DDI2: variants seen among roughly 807,000 people sequenced by gnomAD.
DDI2 encodes the protein protein DDI1 homolog 2.
A neutral mutation model predicts 48.1 loss-of-function variants in DDI2; 5 were observed. That is an observed-to-expected ratio of 0.10 (90% CI 0.05 to 0.22). DDI2 has a LOEUF of 0.22. Ranked by LOEUF, DDI2 falls within the 10% of genes least tolerant of loss-of-function variation. The probability of loss-of-function intolerance (pLI) is 1.00; values close to 1 mark genes in which losing one functional copy is unlikely to be tolerated. For missense variants in DDI2, 285 were observed against 506.2 expected (o/e 0.56, Z 4.19); for synonymous variants, 205 against 183.6 (o/e 1.12, Z -0.94).
intron 7 of DDI2, among the ~76,000 whole-genome samples, chr1:15,650,890 A>T (rs1220156862): frequency 1.3e-5 from 2 of 152,148 alleles, no homozygotes; most frequent in Non-Finnish European, 2.9e-5. Context: ...CGTCTCGCTC[A>T]GTTGCCCAGG....
chr1:15,642,498 G>A (rs1640026016), intron 5 of DDI2, among the ~76,000 whole-genome samples: 1 of 152,188 alleles, frequency 6.6e-6, no homozygotes, highest in Non-Finnish European at 1.5e-5. Context: ...TGTTTACATA[G>A]TGAGACGGGA....
intron 2 of DDI2, among the ~76,000 whole-genome samples, chr1:15,629,432 C>A (rs113384666): frequency 0.2 from 30,392 of 151,698 alleles, 3,159 homozygotes; most frequent in Middle Eastern, 0.26. Context: ...CCCATCTCTA[C>A]TAAAAATACA....
chr1:15,635,417 C>T (rs1639912461), intron 4 of DDI2, among the ~76,000 whole-genome samples: 2 of 152,062 alleles, frequency 1.3e-5, no homozygotes, highest in South Asian at 4.1e-4. Flanking sequence ...TTCCCCACCC[C>T]AGGCCCAAGA....
intron 2 of DDI2, among the ~76,000 whole-genome samples, chr1:15,629,317 C>T (rs949379307): frequency 1.3e-5 from 2 of 152,096 alleles, no homozygotes; most frequent in South Asian, 4.1e-4. Context: ...TTGATCCGGC[C>T]GGGCACAGTG....
At position 15,647,458 on chromosome 1, in the gene DDI2, T is replaced by A. The variant is rs564382761; in HGVS notation, c.890-2262T>A. Among the ~76,000 whole-genome samples, 11 of 152,192 alleles carry A rather than the reference T, an allele frequency of 7.2e-5. No homozygotes were observed. The South Asian group carries it at 2.3e-3, about 32-fold the overall frequency. ...GCTGCTGCGCCTGGCTGGTGATGTT[T>A]CCTATTAGAACATGGCAGTATAGTT... On this transcript the variant is annotated intron_variant, in intron 6 of 9. Coordinates refer to ENST00000480945, the MANE Select transcript of DDI2 (RefSeq NM_032341.5).
rs770197892 is a variant in DDI2, at chr1:15,660,775, G to A, written c.*985G>A. 1.2e-6 allele frequency: 2 copies of A among 1,613,780 alleles called. No homozygotes were observed. Among genetic ancestry groups the A allele is most frequent in the African/African-American group, 1.3e-5 (1 of 74,898 alleles). ...TAACCCTTCATCTGAAATTTTGAAT[G>A]ATTCCATTTCCACTCAGGATTTACA... On this transcript the variant is annotated 3_prime_UTR_variant, in exon 10 of 10. Coordinates refer to ENST00000480945, the MANE Select transcript of DDI2 (RefSeq NM_032341.5).
chr1:15,619,979 T>C (rs1639631760), intron 1 of DDI2, among the ~76,000 whole-genome samples: 2 of 152,120 alleles, frequency 1.3e-5, no homozygotes, highest in South Asian at 4.1e-4. Context: ...TTAAATTTCT[T>C]GTTACAGCCA....
chr1:15,633,155 C>T (rs76538218), intron 3 of DDI2, among the ~76,000 whole-genome samples: 4,633 of 152,056 alleles, frequency 0.03, 106 homozygotes, highest in Admixed American at 0.068. Flanking sequence ...TCTCGAACTC[C>T]TAGGCTCAAA....
In DDI2 at chr1:15,659,996, G is replaced by C; in HGVS notation, c.*206G>C. 1 of 1,614,186 alleles carries C rather than the reference G, an allele frequency of 6.2e-7. No individual in the cohort carries two copies. Among genetic ancestry groups the C allele is most frequent in the South Asian group, 1.1e-5 (1 of 91,088 alleles). On this transcript the variant is annotated 3_prime_UTR_variant, in exon 10 of 10. Coordinates refer to ENST00000480945, the MANE Select transcript of DDI2 (RefSeq NM_032341.5). The stretch of plus-strand genomic sequence containing the variant: ...GCTTCAGTCTGCCCTATCAAGCCCA[G>C]TGACTCAGATCGCATTGAACCTAAA...
At position 15,664,513 on chromosome 1, in the gene DDI2, A is replaced by G. The variant is rs1050453823; in HGVS notation, c.*4723A>G. ...TTAGCAGCTCTAGAATGCAAAGGGTATATTAAGGAGCATTACAATAGTGAA... is the reference window on the plus strand; with the variant it reads ...TTAGCAGCTCTAGAATGCAAAGGGTGTATTAAGGAGCATTACAATAGTGAA... On this transcript the variant is annotated 3_prime_UTR_variant, in exon 10 of 10. Coordinates refer to ENST00000480945, the MANE Select transcript of DDI2 (RefSeq NM_032341.5). 6.6e-6 allele frequency: 1 copy of G among 152,076 alleles called. No homozygotes were observed. The highest frequency in any genetic ancestry group is 1.5e-5 in the Non-Finnish European group (1 of 68,014). The allele number at this position is 152,076 out of a possible 1,614,324, so 9.4% of individuals were successfully genotyped here.
In DDI2 at chr1:15,662,992, C is replaced by T. The variant is rs1640404489; in HGVS notation, c.*3202C>T. 6.6e-6 allele frequency: 1 copy of T among 152,060 alleles called. No individual in the cohort carries two copies. The highest frequency in any genetic ancestry group is 1.5e-5 in the Non-Finnish European group (1 of 68,030). 9.4% of individuals were successfully genotyped at this position (152,060 alleles called of 1,614,324 possible). A position where few individuals can be genotyped will look rare whatever the true frequency, so the allele number is the denominator to read the frequency against. ...GCCTTTTTTTATATAAGGACTAGCC[C>T]TTGGAAATCATTGTCCTGTGGGCCC... On this transcript the variant is annotated 3_prime_UTR_variant, in exon 10 of 10. Transcript: ENST00000480945.
rs998032 is a variant in DDI2, at chr1:15,663,423, T to C, written c.*3633T>C. ...TATGTATGTTATAAGACTTTAGTGATGGGATGGCGTGTCACGTAGATTCAT... is the reference window on the plus strand; with the variant it reads ...TATGTATGTTATAAGACTTTAGTGACGGGATGGCGTGTCACGTAGATTCAT... On this transcript the variant is annotated 3_prime_UTR_variant, in exon 10 of 10. Coordinates refer to ENST00000480945, the MANE Select transcript of DDI2 (RefSeq NM_032341.5). The C allele has an allele frequency of 0.32, 48,775 of 152,018 alleles. 8,729 individuals carry two copies. Among genetic ancestry groups the C allele is most frequent in the African/African-American group, 0.46 (18,997 of 41,418 alleles). The allele number at this position is 152,018 out of a possible 1,614,324, so 9.4% of individuals were successfully genotyped here. A position where few individuals can be genotyped will look rare whatever the true frequency, so the allele number is the denominator to read the frequency against.
intron 5 of DDI2, among the ~76,000 whole-genome samples, chr1:15,642,819 G>C (rs1039544498): frequency 2.6e-5 from 4 of 152,212 alleles, no homozygotes; most frequent in African/African-American, 9.6e-5. Flanking sequence ...TGTAATCCCA[G>C]CACTTTGGGA....
In DDI2 at chr1:15,660,215, G is replaced by A. The variant is rs774102578; in HGVS notation, c.*425G>A. 142 of 1,614,070 alleles carry A rather than the reference G, an allele frequency of 8.8e-5. No homozygotes were observed. The highest frequency in any genetic ancestry group is 2.5e-4 in the Admixed American group (15 of 59,996). On this transcript the variant is annotated 3_prime_UTR_variant, in exon 10 of 10. Transcript: ENST00000480945. ...GGTAATCTGGAGAAATCTGCTGAAA[G>A]AAGCACCCAGGGCCTCAAATTTCAT...
chr1:15,644,939 G>T (rs1305899246), intron 6 of DDI2, among the ~76,000 whole-genome samples: 3 of 151,556 alleles, frequency 2.0e-5, no homozygotes, highest in Non-Finnish European at 4.4e-5. Flanking sequence ...GCCCAGGCTG[G>T]AGTGCAGTGG....
At chr1:15,631,163 A>G (rs1330048380) in intron 3 of DDI2, among the ~76,000 whole-genome samples, 3 of 151,998 alleles carry the variant, frequency 2.0e-5, no homozygotes, top group Non-Finnish European at 4.4e-5. Flanking sequence ...TTTTAACCTT[A>G]GTTAGATCTT....
intron 9 of DDI2, among the ~76,000 whole-genome samples, chr1:15,657,788 T>TAG (rs2148305150): frequency 6.6e-6 from 1 of 152,326 alleles, no homozygotes; most frequent in East Asian, 1.9e-4. Flanking sequence ...TAATAACTGT[T>TAG]AGACATCTGG....
chr1:15,626,170 A>G (rs1055924340), intron 1 of DDI2, among the ~76,000 whole-genome samples: 3 of 152,254 alleles, frequency 2.0e-5, no homozygotes, highest in African/African-American at 4.8e-5. Context: ...CATCAGTTAT[A>G]TAACAGGCCC....
At chr1:15,655,982 C>T (rs1640268412) in intron 8 of DDI2, among the ~76,000 whole-genome samples, 1 of 151,698 alleles carries the variant, frequency 6.6e-6, no homozygotes. Context: ...ATTATAAACT[C>T]TATATTAAAA....
Sources: gnomAD v4.1 joint callset for allele counts (sites outside exome capture counted in the v4.1 genomes callset) on GRCh38, gnomAD v4.1.1 for gene constraint, MANE v1.5 for transcripts, NCBI Gene and HGNC (gene_info 2026-07-23, HGNC 2026-07-21) for gene names.